UNG: variants seen among roughly 807,000 people sequenced by gnomAD.
The protein encoded by UNG is uracil-DNA glycosylase.
A neutral mutation model predicts 36.5 loss-of-function variants in UNG; 34 were observed. The ratio of observed to expected loss-of-function variants is 0.93; its 90% CI spans 0.71 to 1.24. The LOEUF (loss-of-function observed/expected upper bound fraction) is 1.24, where lower values mean the gene tolerates loss of function less well. Ranked by LOEUF, UNG falls within the 50% of genes most tolerant of loss-of-function variation. The probability of loss-of-function intolerance (pLI) is 0.00; values close to 1 mark genes in which losing one functional copy is unlikely to be tolerated. For synonymous variants in UNG, 172 were observed against 157.8 expected (o/e 1.09, Z -0.67); for missense variants, 391 against 397.6 (o/e 0.98, Z 0.14).
chr12:109,098,027 C>T, intron 1 of UNG: 1 of 1,325,590 alleles, frequency 7.5e-7, no homozygotes, highest in Non-Finnish European at 9.8e-7. Flanking sequence ...GCCCATGGCG[C>T]CAATCCGCGC....
rs777436497 is a variant in UNG, at chr12:109,098,503, C to G, written c.204C>G (p.Ala68=). The G allele has an allele frequency of 1.6e-5, 25 of 1,612,776 alleles. No individual in the cohort carries two copies. Among genetic ancestry groups the G allele is most frequent in the Admixed American group, 3.3e-5 (2 of 60,006 alleles). ...PGTPPSSPLS[A]EQLDRIQRNK... is the part of the protein sequence containing the mutation. ...CGCCGCCCTCCTCGCCGCTGAGTGC[C>G]GAGCAGTTGGACCGGATCCAGAGGA... The change falls in exon 2 of 7, where the codon GCC becomes GCG. Residue 68 remains alanine, a synonymous_variant. Transcript: ENST00000242576.
At chr12:109,103,674 A>G in intron 6 of UNG, 63 bp downstream of exon 6, 1 of 1,497,648 alleles carries the variant, frequency 6.7e-7, no homozygotes, top group East Asian at 2.5e-5. Flanking sequence ...AATGTAAAGA[A>G]TTCTAGGAGT....
chr12:109,102,257 A>G (rs2042183896), intron 4 of UNG, among the ~76,000 whole-genome samples: 1 of 152,156 alleles, frequency 6.6e-6, no homozygotes, highest in South Asian at 2.1e-4. Context: ...GCTCGTGATA[A>G]TGAAAAATGT....
At chr12:109,108,696 T>C (rs1222601730) in intron 6 of UNG, among the ~76,000 whole-genome samples, 2 of 152,088 alleles carry the variant, frequency 1.3e-5, no homozygotes, top group Non-Finnish European at 2.9e-5. Flanking sequence ...AGTGGCACAA[T>C]TATAGCTTTT....
At chr12:109,101,081 T>C (rs929606230) in intron 3 of UNG, among the ~76,000 whole-genome samples, 12 of 149,726 alleles carry the variant, frequency 8.0e-5, no homozygotes, top group Middle Eastern at 3.5e-3. Flanking sequence ...CACCCTCATA[T>C]GCTGCTGGTG....
At chr12:109,105,916 GCC>G (rs1428528176) in intron 6 of UNG, among the ~76,000 whole-genome samples, 1 of 152,198 alleles carries the variant, frequency 6.6e-6, no homozygotes, top group African/African-American at 2.4e-5. Context: ...TAGAGGGGTG[GCC>G]CCCAATCGGC....
chr12:109,102,370 T>C (rs190671655), intron 4 of UNG, among the ~76,000 whole-genome samples: 324 of 152,048 alleles, frequency 2.1e-3, no homozygotes, highest in Non-Finnish European at 3.9e-3. Context: ...CCCAGCACTT[T>C]GGGAGGCTGA....
chr12:109,103,488 T>G lies in UNG; in HGVS notation c.678T>G (p.His226Gln), dbSNP rs778953799. The G allele has an allele frequency of 6.2e-7, 1 of 1,614,068 alleles. No homozygotes were observed. The highest frequency in any genetic ancestry group is 1.7e-5 in the Admixed American group (1 of 60,010). The change falls in exon 6 of 7, where the codon CAT becomes CAG. Residue 226 changes from histidine to glutamine, a missense_variant. His to Gln is a conservative substitution (Grantham distance 24). Transcript: ENST00000242576. The stretch of plus-strand genomic sequence containing the variant: ...TTCGTGCCCATCAAGCCAACTCTCA[T>G]AAGGAGCGAGGCTGGGAGCAGTTCA... Reference protein sequence around the residue: ...LTVRAHQANSHKERGWEQFTD... With the variant: ...LTVRAHQANSQKERGWEQFTD...
intron 2 of UNG, 152 bp downstream of exon 2, chr12:109,098,790 A>G (rs2042154911): frequency 2.9e-6 from 3 of 1,046,442 alleles, no homozygotes; most frequent in Non-Finnish European, 4.1e-6. Context: ...AAAGAAAGCC[A>G]TGATGTTTCA....
intron 1 of UNG, 92 bp from the exon 2 acceptor site, chr12:109,098,340 G>A (rs768396595): frequency 6.2e-7 from 1 of 1,603,552 alleles, no homozygotes; most frequent in South Asian, 1.1e-5. Context: ...GGCGTCTTCT[G>A]CCTTGGGCCG....
At chr12:109,106,877 A>G (rs866949673) in intron 6 of UNG, among the ~76,000 whole-genome samples, 1 of 35,126 alleles carries the variant, frequency 2.8e-5, no homozygotes, top group Non-Finnish European at 7.9e-5. Context: ...AAAAAAAAAC[A>G]TATATATATA....
In UNG at chr12:109,099,299, T is replaced by A. The variant is rs765672149; in HGVS notation, c.435+15T>A. The A allele has an allele frequency of 5.6e-5, 90 of 1,605,518 alleles. No individual in the cohort carries two copies. The highest frequency in any genetic ancestry group is 7.5e-5 in the Non-Finnish European group (88 of 1,172,352). ...ACATAAAAGATGTAAGTACAACTTG[T>A]TGATAATTTTTATTGGGGAGAAGGA... On this transcript the variant is annotated intron_variant, in intron 3 of 6. Transcript: ENST00000242576.
At chr12:109,101,866 A>T in intron 3 of UNG, 36 bp from the exon 4 acceptor site, 2 of 1,561,976 alleles carry the variant, frequency 1.3e-6, no homozygotes, top group Non-Finnish European at 1.8e-6. Flanking sequence ...CTTACATTAC[A>T]GTATTGTTTA....
At position 109,110,073 on chromosome 12, in the gene UNG, G is replaced by C; in HGVS notation, c.*104G>C. The C allele has an allele frequency of 1.3e-6, 2 of 1,523,350 alleles. No homozygotes were observed. Among genetic ancestry groups the C allele is most frequent in the Non-Finnish European group, 1.8e-6 (2 of 1,117,300 alleles). 94.4% of individuals were successfully genotyped at this position (1,523,350 alleles called of 1,614,324 possible). On this transcript the variant is annotated 3_prime_UTR_variant, in exon 7 of 7. Transcript: ENST00000242576. Reference sequence around the variant, plus strand: ...ATTAATTCTTAAGTACTCTGCATAAGGGGGAAAAGCTTCCAGAAAGCAGCC... The same window carrying C: ...ATTAATTCTTAAGTACTCTGCATAACGGGGAAAAGCTTCCAGAAAGCAGCC...
intron 3 of UNG, 158 bp downstream of exon 3, chr12:109,099,442 C>G (rs1566120344): frequency 5.9e-6 from 4 of 679,658 alleles, no homozygotes; most frequent in Non-Finnish European, 1.0e-5. Flanking sequence ...TGTATTTACT[C>G]TTTTTAATGT....
At chr12:109,108,566 A>G (rs1480754773) in intron 6 of UNG, among the ~76,000 whole-genome samples, 2 of 152,142 alleles carry the variant, frequency 1.3e-5, no homozygotes, top group Non-Finnish European at 1.5e-5. Context: ...TAGGAGGTGG[A>G]GGCTACAGTG....
At chr12:109,102,485 A>G in intron 4 of UNG, among the ~76,000 whole-genome samples, 1 of 152,054 alleles carries the variant, frequency 6.6e-6, no homozygotes, top group Middle Eastern at 3.2e-3. Context: ...AAAAAAAAAA[A>G]AGAACCACTG....
At chr12:109,098,405 A>G in intron 1 of UNG, 27 bp from the exon 2 acceptor site, 1 of 1,603,066 alleles carries the variant, frequency 6.2e-7, no homozygotes, top group Non-Finnish European at 8.5e-7. Context: ...GCAGCTCTTG[A>G]GCCGCCTCTG....
At chr12:109,108,839 C>T (rs2042238397) in intron 6 of UNG, among the ~76,000 whole-genome samples, 1 of 151,998 alleles carries the variant, frequency 6.6e-6, no homozygotes, top group African/African-American at 2.4e-5. Flanking sequence ...GCTATGTTGC[C>T]TCAGTTGGTT....
Sources: gnomAD v4.1 joint callset for allele counts (sites outside exome capture counted in the v4.1 genomes callset) on GRCh38, gnomAD v4.1.1 for gene constraint, MANE v1.5 for transcripts, NCBI Gene and HGNC (gene_info 2026-07-23, HGNC 2026-07-21) for gene names.